Variants in ABTB2 observed in about 807,000 individuals in gnomAD.
ABTB2 encodes ankyrin repeat and BTB domain containing 2.
ABTB2 carries 56 observed loss-of-function variants against 104.1 expected under a neutral mutation model. The ratio of observed to expected loss-of-function variants is 0.54; its 90% CI spans 0.43 to 0.67. The LOEUF (loss-of-function observed/expected upper bound fraction) is 0.67. Among genes scored for constraint, ABTB2 ranks in the 30% least tolerant of loss-of-function variants. The probability of loss-of-function intolerance (pLI) is 0.00; values close to 1 mark genes in which losing one functional copy is unlikely to be tolerated. For missense variants in ABTB2, 1,279 were observed against 1,407.7 expected (o/e 0.91, Z 1.46); for synonymous variants, 606 against 608.2 (o/e 1.00, Z 0.05).
intron 1 of ABTB2, among the ~76,000 whole-genome samples, chr11:34,262,914 G>GAGA (rs1367721458): frequency 6.6e-6 from 1 of 152,120 alleles, no homozygotes; most frequent in Non-Finnish European, 1.5e-5. Flanking sequence ...TTGGACAAAG[G>GAGA]AGAAGGACCC....
chr11:34,242,950 A>G (rs7111442), intron 1 of ABTB2, among the ~76,000 whole-genome samples: 76,465 of 151,936 alleles, frequency 0.5, 19,585 homozygotes, highest in Middle Eastern at 0.63. Flanking sequence ...GCCGGGCCTG[A>G]GGTAAACCAA....
rs151308415 is a variant in ABTB2, at chr11:34,160,994, C to G, written c.2306G>C (p.Arg769Pro). Residue 769 changes from arginine to proline, a missense_variant, in exon 11 of 17, where the codon CGG (arginine) becomes CCG (proline). Transcript: ENST00000435224. ...SRYSVVQSLL[R>P]DFSSIREEEY... is the part of the protein sequence containing the mutation. ...CTCCTCTCTGATGGAGCTGAAGTCC[C>G]GCAGGAGGCTCTGCACCACCGAGTA... The G allele has an allele frequency of 6.2e-7, 1 of 1,613,616 alleles. No homozygotes were observed. The highest frequency in any genetic ancestry group is 2.2e-5 in the East Asian group (1 of 44,878).
intron 14 of ABTB2, among the ~76,000 whole-genome samples, chr11:34,158,550 G>T (rs746441987): frequency 1.3e-5 from 2 of 152,180 alleles, no homozygotes; most frequent in Non-Finnish European, 2.9e-5. Context: ...CTGCCTCCTG[G>T]CCTCAGTCCC....
Position 34,307,589 on chromosome 11 carries a change from T to C in ABTB2, c.883+49112A>G, listed in dbSNP as rs79359678. Among the ~76,000 whole-genome samples, 1,188 of 152,308 alleles carry C rather than the reference T, an allele frequency of 7.8e-3. 15 individuals are homozygous for C. The highest frequency in any genetic ancestry group is 0.024 in the African/African-American group (1,009 of 41,552). ...CCGAGAGAGGGCACTACAAATTCTTTCCTTTCACACATTTTCCAAAGTGTA... is the reference window on the plus strand; with the variant it reads ...CCGAGAGAGGGCACTACAAATTCTTCCCTTTCACACATTTTCCAAAGTGTA... On this transcript the variant is annotated intron_variant, in intron 1 of 16. Coordinates refer to ENST00000435224, the MANE Select transcript of ABTB2 (RefSeq NM_145804.3).
intron 1 of ABTB2, among the ~76,000 whole-genome samples, chr11:34,215,015 C>T (rs1179066232): frequency 6.6e-6 from 1 of 152,150 alleles, no homozygotes; most frequent in Non-Finnish European, 1.5e-5. Flanking sequence ...TCATCTGGCC[C>T]CTTCGCCTGG....
chr11:34,267,208 T>G (rs1432859864), intron 1 of ABTB2, among the ~76,000 whole-genome samples: 1 of 152,220 alleles, frequency 6.6e-6, no homozygotes, highest in African/African-American at 2.4e-5. Context: ...ATTCAAATTC[T>G]GGGTGCTCGA....
intron 1 of ABTB2, among the ~76,000 whole-genome samples, chr11:34,269,130 G>A (rs747911978): frequency 6.6e-6 from 1 of 152,150 alleles, no homozygotes; most frequent in Non-Finnish European, 1.5e-5. Flanking sequence ...TAGTGAACAC[G>A]ATGGAGAAAT....
intron 1 of ABTB2, among the ~76,000 whole-genome samples, chr11:34,282,783 C>A (rs186104864): frequency 6.6e-6 from 1 of 152,094 alleles, no homozygotes; most frequent in East Asian, 1.9e-4. Context: ...TCGCCCACCT[C>A]GGCCTCCCAA....
intron 3 of ABTB2, among the ~76,000 whole-genome samples, chr11:34,186,914 G>A (rs568400364): frequency 1.3e-5 from 2 of 152,200 alleles, no homozygotes; most frequent in South Asian, 2.1e-4. Context: ...CGAGATCCCC[G>A]GCTCCGGGGT....
At position 34,160,304 on chromosome 11, in the gene ABTB2, C is replaced by T; in HGVS notation, c.2447G>A (p.Gly816Asp). 2.5e-6 allele frequency: 4 copies of T among 1,614,150 alleles called. No homozygotes were observed. The highest frequency in any genetic ancestry group is 3.4e-6 in the Non-Finnish European group (4 of 1,180,016). Residue 816 changes from glycine to aspartate, a missense_variant, in exon 12 of 17, where the codon GGC (glycine) becomes GAC (aspartate). Transcript: ENST00000435224. ...QLATIFTHCY[G>D]SSPIPSIPEI... is the part of the protein sequence containing the mutation. ...TGGGATGCTGGGGATGGGACTGCTG[C>T]CATAGCAGTGGGTGAAGATGGTAGC...
chr11:34,257,390 G>T (rs1854136943), intron 1 of ABTB2, among the ~76,000 whole-genome samples: 1 of 152,198 alleles, frequency 6.6e-6, no homozygotes, highest in Non-Finnish European at 1.5e-5. Context: ...GGTGAAGGTG[G>T]AGGAGAGTTT....
At chr11:34,177,726 C>A (rs1325781525) in intron 3 of ABTB2, among the ~76,000 whole-genome samples, 1 of 152,098 alleles carries the variant, frequency 6.6e-6, no homozygotes, top group Non-Finnish European at 1.5e-5. Context: ...CACCACCATG[C>A]CTGGCTAATT....
chr11:34,298,752 GCAC>G (rs1365225235), intron 1 of ABTB2, among the ~76,000 whole-genome samples: 1 of 152,138 alleles, frequency 6.6e-6, no homozygotes, highest in African/African-American at 2.4e-5. Context: ...GTGAGCAACA[GCAC>G]CCAGCCTAAA....
At chr11:34,316,611 C>T (rs1318974711) in intron 1 of ABTB2, among the ~76,000 whole-genome samples, 1 of 152,142 alleles carries the variant, frequency 6.6e-6, no homozygotes, top group Non-Finnish European at 1.5e-5. Flanking sequence ...AGTGAAAATA[C>T]CAAGGCCAAG....
intron 1 of ABTB2, among the ~76,000 whole-genome samples, chr11:34,264,704 C>A (rs1197278155): frequency 1.3e-5 from 2 of 152,216 alleles, no homozygotes; most frequent in Non-Finnish European, 2.9e-5. Context: ...CATGGACTGG[C>A]CACACTTCAA....
chr11:34,202,046 G>C (rs915681266), intron 2 of ABTB2, among the ~76,000 whole-genome samples: 1 of 152,352 alleles, frequency 6.6e-6, no homozygotes, highest in East Asian at 1.9e-4. Flanking sequence ...TGAGGATACA[G>C]CCGTGGACAA....
intron 1 of ABTB2, among the ~76,000 whole-genome samples, chr11:34,313,933 T>C (rs910655019): frequency 6.6e-6 from 1 of 152,152 alleles, no homozygotes; most frequent in African/African-American, 2.4e-5. Flanking sequence ...TAAGGCCGAG[T>C]TCTCCTTCAA....
chr11:34,160,153 T>G, intron 12 of ABTB2, 95 bp downstream of exon 12: 1 of 1,346,974 alleles, frequency 7.4e-7, no homozygotes, highest in Non-Finnish European at 1.0e-6. Context: ...CCTTGGCGCT[T>G]GGAAATGGAG....
Position 34,354,503 on chromosome 11 carries a change from G to T in ABTB2, c.883+2198C>A, listed in dbSNP as rs535190744. The stretch of plus-strand genomic sequence containing the variant: ...GGTGGTGGAGCTGGGGGGTGGGGGT[G>T]GGGGGGTAGGTGGTGCCAAAAGACC... On this transcript the variant is annotated intron_variant, in intron 1 of 16. Coordinates refer to ENST00000435224, the MANE Select transcript of ABTB2 (RefSeq NM_145804.3). Among the ~76,000 whole-genome samples, 33 of 146,164 alleles carry T rather than the reference G, an allele frequency of 2.3e-4. 1 individual carries two copies. In the Admixed American group the frequency reaches 2.3e-3, roughly 10 times the overall value.
Sources: gnomAD v4.1 joint callset for allele counts (sites outside exome capture counted in the v4.1 genomes callset) on GRCh38, gnomAD v4.1.1 for gene constraint, MANE v1.5 for transcripts, NCBI Gene and HGNC (gene_info 2026-07-23, HGNC 2026-07-21) for gene names.